UQCC1: variants seen among roughly 807,000 people sequenced by gnomAD.
UQCC1 encodes the protein bFGF-repressed Zic-binding protein.
In UQCC1, 38 loss-of-function variants were observed where a neutral mutation model predicts 48.0. The observed-to-expected ratio is 0.79, with a 90% CI of 0.61 to 1.04. UQCC1 has a LOEUF of 1.04. UQCC1 is among the 50% of genes least tolerant of loss of function. The pLI is 0.00. For missense variants in UQCC1, 368 were observed against 381.8 expected (o/e 0.96, Z 0.30); for synonymous variants, 111 against 129.2 (o/e 0.86, Z 0.95).
At chr20:35,358,184 T>C (rs1449736996) in intron 6 of UQCC1, among the ~76,000 whole-genome samples, 2 of 151,814 alleles carry the variant, frequency 1.3e-5, no homozygotes, top group African/African-American at 2.4e-5. Flanking sequence ...TGAAACCTCA[T>C]CTCTACTAAA....
intron 6 of UQCC1, among the ~76,000 whole-genome samples, chr20:35,357,894 A>C (rs2061564420): frequency 6.6e-6 from 1 of 152,138 alleles, no homozygotes; most frequent in South Asian, 2.1e-4. Flanking sequence ...ATACCCTCAT[A>C]ATAAATGCCT....
chr20:35,355,252 C>CAAG (rs2061534457), intron 6 of UQCC1, among the ~76,000 whole-genome samples: 5 of 152,220 alleles, frequency 3.3e-5, no homozygotes. Flanking sequence ...ATATAAAACT[C>CAAG]TACCGCAAAT....
intron 1 of UQCC1, among the ~76,000 whole-genome samples, chr20:35,406,699 ATACAG>A: frequency 6.6e-6 from 1 of 152,346 alleles, no homozygotes; most frequent in East Asian, 1.9e-4. Flanking sequence ...TAAATAAAAA[ATACAG>A]TACAAATGGA....
intron 1 of UQCC1, among the ~76,000 whole-genome samples, chr20:35,400,862 T>G (rs2062154471): frequency 6.6e-6 from 1 of 152,210 alleles, no homozygotes; most frequent in African/African-American, 2.4e-5. Flanking sequence ...TGCAGTGATT[T>G]TTACATCAGT....
chr20:35,306,425 C>T (rs2060928956), intron 9 of UQCC1: 2 of 485,332 alleles, frequency 4.1e-6, no homozygotes, highest in African/African-American at 3.9e-5. Context: ...ACTCAAAGTT[C>T]CTGAGGGCAG....
chr20:35,397,593 G>A (rs756220691), intron 1 of UQCC1, among the ~76,000 whole-genome samples: 7 of 148,532 alleles, frequency 4.7e-5, no homozygotes, highest in Non-Finnish European at 8.9e-5. Flanking sequence ...TTTTTTTCTC[G>A]TCACTACTCC....
intron 7 of UQCC1, among the ~76,000 whole-genome samples, chr20:35,333,249 T>G (rs372712085): frequency 6.6e-6 from 1 of 152,190 alleles, no homozygotes; most frequent in East Asian, 1.9e-4. Context: ...CACTCCCAAC[T>G]CTATCACAAG....
intron 7 of UQCC1, among the ~76,000 whole-genome samples, chr20:35,318,468 G>C (rs966945934): frequency 6.6e-6 from 1 of 152,170 alleles, no homozygotes; most frequent in Non-Finnish European, 1.5e-5. Flanking sequence ...CTCCTCTTGG[G>C]ATACACCTGC....
chr20:35,358,883 T>C (rs1197679734), intron 6 of UQCC1, among the ~76,000 whole-genome samples: 1 of 152,208 alleles, frequency 6.6e-6, no homozygotes, highest in African/African-American at 2.4e-5. Context: ...AAACCCACAA[T>C]TTATTATTTA....
intron 8 of UQCC1, among the ~76,000 whole-genome samples, chr20:35,312,183 A>C (rs1271747362): frequency 6.6e-6 from 1 of 152,208 alleles, no homozygotes; most frequent in East Asian, 1.9e-4. Context: ...AGGCTTCTAC[A>C]ATTACAATTC....
At chr20:35,332,834 C>A (rs1226547765) in intron 7 of UQCC1, among the ~76,000 whole-genome samples, 4 of 152,220 alleles carry the variant, frequency 2.6e-5, no homozygotes, top group Non-Finnish European at 5.9e-5. Flanking sequence ...GAAACCTAAT[C>A]CCCAGCCTAG....
intron 8 of UQCC1, chr20:35,309,268 A>G (rs987974465): frequency 4.7e-6 from 2 of 429,052 alleles, no homozygotes; most frequent in Non-Finnish European, 9.5e-6. Flanking sequence ...CTGTTTCCAC[A>G]AAAAAATATA....
intron 7 of UQCC1, among the ~76,000 whole-genome samples, chr20:35,322,880 C>T (rs1463922126): frequency 6.6e-6 from 1 of 151,856 alleles, no homozygotes; most frequent in East Asian, 1.9e-4. Context: ...CGGAGTCTTG[C>T]TCTGTCACCC....
intron 1 of UQCC1, among the ~76,000 whole-genome samples, chr20:35,410,704 C>CAAACAAAAAAAAAAAAAAAAAAAAA (rs2062339760): frequency 3.7e-4 from 1 of 2,710 alleles, no homozygotes. Context: ...GACTCTGCCT[C>CAAACAAAAAAAAAAAAAAAAAAAAA]AAAAAAAAAA....
chr20:35,323,506 G>T (rs1304584872), intron 7 of UQCC1, among the ~76,000 whole-genome samples: 1 of 152,140 alleles, frequency 6.6e-6, no homozygotes, highest in African/African-American at 2.4e-5. Context: ...ATATGCAAAG[G>T]TCAAAAAGTT....
chr20:35,401,723 G>A (rs1179266591), intron 1 of UQCC1, among the ~76,000 whole-genome samples: 3 of 139,688 alleles, frequency 2.1e-5, no homozygotes, highest in East Asian at 2.2e-4. Context: ...GTGCAATGAC[G>A]CAATCTCAGC....
chr20:35,304,604 T>C (rs944154741), intron 9 of UQCC1: 1 of 168,932 alleles, frequency 5.9e-6, no homozygotes, highest in African/African-American at 2.4e-5. Context: ...ACAATATGCA[T>C]ATATGCAGTG....
intron 2 of UQCC1, among the ~76,000 whole-genome samples, chr20:35,389,315 C>A (rs2061985141): frequency 6.6e-6 from 1 of 151,960 alleles, no homozygotes; most frequent in Non-Finnish European, 1.5e-5. Context: ...TAATTTGCAC[C>A]TCTCTTTGGG....
At chr20:35,314,096 C>T (rs1231635037) in intron 8 of UQCC1, among the ~76,000 whole-genome samples, 2 of 152,058 alleles carry the variant, frequency 1.3e-5, no homozygotes, top group Non-Finnish European at 1.5e-5. Context: ...TCTAGAGTAG[C>T]TGGGATTACA....
Sources: gnomAD v4.1 joint callset for allele counts (sites outside exome capture counted in the v4.1 genomes callset) on GRCh38, gnomAD v4.1.1 for gene constraint, MANE v1.5 for transcripts, NCBI Gene and HGNC (gene_info 2026-07-23, HGNC 2026-07-21) for gene names.